Variants in ZFAND6 observed in about 807,000 individuals in gnomAD.
ZFAND6 encodes AN1-type zinc finger protein 6.
ZFAND6 carries 12 observed loss-of-function variants against 24.5 expected under a neutral mutation model. The observed-to-expected ratio is 0.49, with a 90% CI of 0.31 to 0.79. The LOEUF (loss-of-function observed/expected upper bound fraction) is 0.79, where lower values mean the gene tolerates loss of function less well. Among genes scored for constraint, ZFAND6 ranks in the 30% least tolerant of loss-of-function variants. ZFAND6 has a pLI of 0.04. For missense variants in ZFAND6, 207 were observed against 245.9 expected (o/e 0.84, Z 1.06); for synonymous variants, 92 against 81.5 (o/e 1.13, Z -0.69).
intron 1 of ZFAND6, among the ~76,000 whole-genome samples, chr15:80,069,017 GA>G (rs761266230): frequency 1.2e-4 from 18 of 152,198 alleles, no homozygotes; most frequent in Non-Finnish European, 2.4e-4. Flanking sequence ...TTGCTTTTCA[GA>G]ATTGTTTTCT....
At chr15:80,108,740 T>TG (rs2141973356) in intron 2 of ZFAND6, among the ~76,000 whole-genome samples, 1 of 151,434 alleles carries the variant, frequency 6.6e-6, no homozygotes, top group South Asian at 2.1e-4. Flanking sequence ...TTTTTGTTTT[T>TG]TTTCTTTTTT....
chr15:80,135,441 T>C (rs1421092553), intron 6 of ZFAND6, among the ~76,000 whole-genome samples: 2 of 152,194 alleles, frequency 1.3e-5, no homozygotes, highest in South Asian at 4.1e-4. Flanking sequence ...GTACTGTGGT[T>C]AGTTGGAAAG....
Position 80,120,496 on chromosome 15 carries a change from C to A in ZFAND6, c.152C>A (p.Pro51His). 6.6e-7 allele frequency: 1 copy of A among 1,526,380 alleles called. No individual in the cohort carries two copies. 94.6% of individuals were successfully genotyped at this position (1,526,380 alleles called of 1,614,324 possible). A position where few individuals can be genotyped will look rare whatever the true frequency, so the allele number is the denominator to read the frequency against. Residue 51 changes from proline to histidine, a missense_variant and splice_region_variant, in exon 3 of 7, where the codon CCT (proline) becomes CAT (histidine). Pro to His is a moderately conservative substitution (Grantham distance 77). This residue lies in a region of ZFAND6 where 133 missense variants were observed against 122.8 expected (regional missense o/e 1.08). Transcript: ENST00000261749. ...AGTAGTAATGGTAGAATAAGCCCAC[C>A]TGGTAAGTAATTCTAGTGAAACCCG... ...QNSSNGRISP[P>H]ATSVSSLSES... is the part of the protein sequence containing the mutation.
chr15:80,085,062 G>C (rs573434563), intron 1 of ZFAND6, among the ~76,000 whole-genome samples: 2 of 152,152 alleles, frequency 1.3e-5, no homozygotes, highest in African/African-American at 4.8e-5. Flanking sequence ...TTCAAAGGAC[G>C]CCACTTTCCT....
intron 1 of ZFAND6, among the ~76,000 whole-genome samples, chr15:80,095,934 C>T (rs756858131): frequency 6.6e-6 from 1 of 152,186 alleles, no homozygotes; most frequent in Non-Finnish European, 1.5e-5. Context: ...TCATCAGTAT[C>T]ACACTTAACA....
At chr15:80,065,537 A>ATTGTTTTTTTTTT (rs2036579847) in intron 1 of ZFAND6, among the ~76,000 whole-genome samples, 1 of 76,506 alleles carries the variant, frequency 1.3e-5, no homozygotes, top group Non-Finnish European at 2.4e-5. Flanking sequence ...TTTGGTTTTG[A>ATTGTTTTTTTTTT]TTTTTTTTTT....
chr15:80,125,345 A>T (rs906790033), intron 5 of ZFAND6, among the ~76,000 whole-genome samples: 1 of 152,200 alleles, frequency 6.6e-6, no homozygotes, highest in African/African-American at 2.4e-5. Context: ...AGGGAAATTT[A>T]TATAGATAGG....
intron 1 of ZFAND6, among the ~76,000 whole-genome samples, chr15:80,081,995 G>A (rs1009555712): frequency 1.3e-5 from 2 of 152,202 alleles, no homozygotes; most frequent in Non-Finnish European, 2.9e-5. Flanking sequence ...TACACTAAAA[G>A]CTTTATTTAC....
intron 2 of ZFAND6, among the ~76,000 whole-genome samples, chr15:80,119,021 G>T (rs2040025082): frequency 1.3e-5 from 2 of 152,148 alleles, no homozygotes; most frequent in South Asian, 4.1e-4. Flanking sequence ...AGACTCATCT[G>T]TAATACATAT....
intron 1 of ZFAND6, among the ~76,000 whole-genome samples, chr15:80,063,366 A>G (rs1277382650): frequency 6.6e-6 from 1 of 152,112 alleles, no homozygotes; most frequent in Non-Finnish European, 1.5e-5. Context: ...CTTAAAGTAC[A>G]TCTCAATTCA....
In ZFAND6 at chr15:80,121,846, T is replaced by G. The variant is rs755341091; in HGVS notation, c.263+26T>G. 8 of 1,569,692 alleles carry G rather than the reference T, an allele frequency of 5.1e-6. No individual in the cohort carries two copies. The East Asian group carries it at 1.8e-4, about 35-fold the overall frequency. ...GTAAGATGTACTCTCTGAATTCTAA[T>G]GAGAATGCTAATAAAAACTAAAGAG... On this transcript the variant is annotated intron_variant, in intron 4 of 6. Coordinates refer to ENST00000261749, the MANE Select transcript of ZFAND6 (RefSeq NM_019006.4).
intron 1 of ZFAND6, among the ~76,000 whole-genome samples, chr15:80,086,970 C>T (rs2038043506): frequency 6.6e-6 from 1 of 152,148 alleles, no homozygotes; most frequent in Non-Finnish European, 1.5e-5. Flanking sequence ...CAGGGTTCAT[C>T]CAGATTGTAG....
chr15:80,121,311 C>T (rs769932455), intron 3 of ZFAND6, among the ~76,000 whole-genome samples: 6 of 152,142 alleles, frequency 3.9e-5, no homozygotes, highest in Non-Finnish European at 7.4e-5. Context: ...AAAATTAAGT[C>T]ATCATCTACA....
intron 3 of ZFAND6, chr15:80,120,763 T>C (rs752839853): frequency 3.7e-5 from 8 of 218,786 alleles, no homozygotes; most frequent in Non-Finnish European, 7.1e-5. Flanking sequence ...AGGGGACACC[T>C]CAAGTGTCTT....
intron 1 of ZFAND6, among the ~76,000 whole-genome samples, chr15:80,079,659 T>TG: frequency 6.7e-6 from 1 of 150,276 alleles, no homozygotes; most frequent in East Asian, 2.0e-4. Context: ...CTTTTTTTTT[T>TG]TTTTTTTTGA....
intron 4 of ZFAND6, 150 bp downstream of exon 4, chr15:80,121,970 C>CAA: frequency 4.6e-6 from 3 of 646,582 alleles, no homozygotes; most frequent in Non-Finnish European, 7.5e-6. Flanking sequence ...TTAGAAAAAG[C>CAA]GATTTCTTGC....
At chr15:80,088,646 A>G (rs907921397) in intron 1 of ZFAND6, among the ~76,000 whole-genome samples, 3 of 152,162 alleles carry the variant, frequency 2.0e-5, no homozygotes, top group Non-Finnish European at 4.4e-5. Flanking sequence ...AGTTTTCTCA[A>G]TTTCCTGCCC....
intron 1 of ZFAND6, among the ~76,000 whole-genome samples, chr15:80,084,021 C>T (rs2037841741): frequency 6.6e-6 from 1 of 152,110 alleles, no homozygotes; most frequent in Non-Finnish European, 1.5e-5. Flanking sequence ...ATTTAAATAT[C>T]CTCTTAGGCA....
intron 2 of ZFAND6, among the ~76,000 whole-genome samples, chr15:80,099,723 TCTC>T (rs2038935332): frequency 6.8e-6 from 1 of 146,742 alleles, no homozygotes; most frequent in Non-Finnish European, 1.5e-5. Context: ...TTCAAGTAAT[TCTC>T]CTGTCTCAGC....
Sources: allele counts gnomAD v4.1 joint callset (sites outside exome capture counted in the v4.1 genomes callset), GRCh38; gene constraint gnomAD v4.1.1; regional missense constraint gnomAD v4.1.1; transcripts MANE v1.5; gene names NCBI Gene and HGNC (gene_info 2026-07-23, HGNC 2026-07-21).